Variants in NIPAL2 observed in about 807,000 individuals in gnomAD.
NIPAL2 encodes the protein NIPA like domain containing 2, also known as NIPA-like protein 2.
Under a neutral mutation model 48.9 loss-of-function variants are expected in NIPAL2, and 43 were observed. The observed-to-expected ratio is 0.88, with a 90% confidence interval of 0.69 to 1.13. NIPAL2 has a LOEUF of 1.13. Ranked by LOEUF, NIPAL2 falls within the 50% of genes most tolerant of loss-of-function variation. NIPAL2 has a pLI of 0.00. For synonymous variants in NIPAL2, 167 were observed against 174.6 expected, an observed-to-expected ratio of 0.96 and a Z score of 0.34; for missense variants, 446 against 461.4, an observed-to-expected ratio of 0.97 and a Z score of 0.31.
chr8:98,243,518 T>G (rs1301302978), intron 3 of NIPAL2, among the ~76,000 whole-genome samples: 2 of 152,200 alleles, frequency 1.3e-5, no homozygotes, highest in African/African-American at 4.8e-5. Flanking sequence ...TTCATTCACC[T>G]ACTCTCTGAA....
In NIPAL2 at chr8:98,203,173, A is replaced by C; in HGVS notation, c.815T>G (p.Leu272Arg). 1 of 1,614,124 alleles carries C rather than the reference A, an allele frequency of 6.2e-7. No individual in the cohort carries two copies. The highest frequency in any genetic ancestry group is 8.5e-7 in the Non-Finnish European group (1 of 1,179,958). Residue 272 changes from leucine (L) to arginine (R), a missense_variant, in exon 8 of 11, where the codon CTC becomes CGC. Physicochemically the swap from Leu to Arg is moderately radical, Grantham distance 102. Transcript: ENST00000430223. ...QVKFLNQATKLYNTTTVVPVN... is the reference protein window; with the variant it reads ...QVKFLNQATKRYNTTTVVPVN... The stretch of plus-strand genomic sequence containing the variant: ...TGGCACCACTGTTGTCGTATTGTAG[A>C]GTTTCGTGGCTTGATTCAGGAACCT...
At chr8:98,217,863 T>C (rs1811650847) in intron 5 of NIPAL2, among the ~76,000 whole-genome samples, 1 of 152,246 alleles carries the variant, frequency 6.6e-6, no homozygotes, top group African/African-American at 2.4e-5. Flanking sequence ...TTCAGATATA[T>C]GGGTTTCTCC....
chr8:98,245,084 A>G (rs1261139087), intron 3 of NIPAL2, among the ~76,000 whole-genome samples: 1 of 152,224 alleles, frequency 6.6e-6, no homozygotes, highest in African/African-American at 2.4e-5. Context: ...TTTACATAAT[A>G]ATGCTACAAA....
chr8:98,276,615 G>A (rs1365856706), intron 1 of NIPAL2, among the ~76,000 whole-genome samples: 1 of 152,052 alleles, frequency 6.6e-6, no homozygotes, highest in Non-Finnish European at 1.5e-5. Context: ...AGAATGTTTA[G>A]TTTTGTAAGA....
At chr8:98,235,065 C>T (rs572300902) in intron 4 of NIPAL2, among the ~76,000 whole-genome samples, 1 of 152,098 alleles carries the variant, frequency 6.6e-6, no homozygotes, top group Non-Finnish European at 1.5e-5. Context: ...AAAGAGAAAA[C>T]ATTTTCAAGA....
At chr8:98,196,898 A>C (rs949571168) in intron 8 of NIPAL2, among the ~76,000 whole-genome samples, 1 of 152,218 alleles carries the variant, frequency 6.6e-6, no homozygotes, top group Non-Finnish European at 1.5e-5. Flanking sequence ...TGAACTTCTT[A>C]CAGGAAGAAG....
chr8:98,220,958 T>G (rs1381253769), intron 5 of NIPAL2, among the ~76,000 whole-genome samples: 1 of 146,100 alleles, frequency 6.8e-6, no homozygotes, highest in Non-Finnish European at 1.5e-5. Context: ...ATCAGTTCAT[T>G]TCATTCTTTT....
chr8:98,192,340 A>G lies in NIPAL2; in HGVS notation c.*638T>C, dbSNP rs541487973. 6.6e-6 allele frequency: 1 copy of G among 152,218 alleles called. No individual in the cohort carries two copies. Among genetic ancestry groups the G allele is most frequent in the African/African-American group, 2.4e-5 (1 of 41,428 alleles). The allele number at this position is 152,218 out of a possible 1,614,324, so 9.4% of individuals were successfully genotyped here. A position where few individuals can be genotyped will look rare whatever the true frequency, so the allele number is the denominator to read the frequency against. ...ACTTCTTAAACTTCCTCTTCCTTACACGTAAAAAGCCCACCAGTCAAGGTC... is the reference window on the plus strand; with the variant it reads ...ACTTCTTAAACTTCCTCTTCCTTACGCGTAAAAAGCCCACCAGTCAAGGTC... On this transcript the variant is annotated 3_prime_UTR_variant, in exon 11 of 11. Transcript: ENST00000430223.
At chr8:98,271,884 GTT>G (rs535594385) in intron 1 of NIPAL2, among the ~76,000 whole-genome samples, 1 of 141,870 alleles carries the variant, frequency 7.0e-6, no homozygotes, top group African/African-American at 2.6e-5. Context: ...TTTGTTGAGA[GTT>G]TTTTTTTTTT....
At chr8:98,214,916 A>C (rs1260165084) in intron 5 of NIPAL2, among the ~76,000 whole-genome samples, 1 of 152,230 alleles carries the variant, frequency 6.6e-6, no homozygotes, top group Non-Finnish European at 1.5e-5. Flanking sequence ...TCCCTAAAAC[A>C]GCCATCAAAA....
chr8:98,253,493 G>A (rs1171057632), intron 2 of NIPAL2, among the ~76,000 whole-genome samples: 1 of 152,042 alleles, frequency 6.6e-6, no homozygotes, highest in Admixed American at 6.5e-5. Flanking sequence ...TTGCAGTTTA[G>A]CAAATCAGCG....
chr8:98,258,466 C>T (rs540586231), intron 1 of NIPAL2, among the ~76,000 whole-genome samples: 1 of 152,270 alleles, frequency 6.6e-6, no homozygotes, highest in African/African-American at 2.4e-5. Context: ...AACTCACCTG[C>T]TGCAGAATAG....
chr8:98,211,876 C>CTTA (rs1214590850), intron 6 of NIPAL2, among the ~76,000 whole-genome samples: 1 of 151,678 alleles, frequency 6.6e-6, no homozygotes, highest in Non-Finnish European at 1.5e-5. Flanking sequence ...ACATAGTGGG[C>CTTA]TTATCTAAGC....
At chr8:98,222,061 A>G (rs1811915459) in intron 5 of NIPAL2, among the ~76,000 whole-genome samples, 1 of 152,236 alleles carries the variant, frequency 6.6e-6, no homozygotes, top group Non-Finnish European at 1.5e-5. Context: ...TAGATTGGAT[A>G]AAGAAAATGT....
chr8:98,282,618 A>T (rs1815904991), intron 1 of NIPAL2, among the ~76,000 whole-genome samples: 1 of 152,168 alleles, frequency 6.6e-6, no homozygotes. Flanking sequence ...GGCTGCAGTG[A>T]GCTATGATTG....
intron 1 of NIPAL2, among the ~76,000 whole-genome samples, chr8:98,279,571 A>T (rs914813017): frequency 1.3e-5 from 2 of 152,186 alleles, no homozygotes; most frequent in Non-Finnish European, 2.9e-5. Context: ...AGAGAAGGAA[A>T]GTGTCTTATG....
intron 5 of NIPAL2, among the ~76,000 whole-genome samples, chr8:98,221,139 G>A (rs540834439): frequency 3.6e-4 from 55 of 151,672 alleles, no homozygotes; most frequent in African/African-American, 1.3e-3. Context: ...CCACTCCTGG[G>A]TAATTTTTGT....
intron 1 of NIPAL2, among the ~76,000 whole-genome samples, chr8:98,287,677 T>A (rs773960189): frequency 2.0e-5 from 3 of 152,238 alleles, no homozygotes; most frequent in Non-Finnish European, 4.4e-5. Flanking sequence ...TTGACATGCA[T>A]TATCTTATTT....
intron 5 of NIPAL2, among the ~76,000 whole-genome samples, chr8:98,218,636 A>T (rs1811693505): frequency 6.6e-6 from 1 of 152,216 alleles, no homozygotes; most frequent in South Asian, 2.1e-4. Flanking sequence ...ACTATGACTG[A>T]TGGCCTGAGT....
Sources: gnomAD v4.1 joint callset for allele counts (sites outside exome capture counted in the v4.1 genomes callset) on GRCh38, gnomAD v4.1.1 for gene constraint, MANE v1.5 for transcripts, NCBI Gene and HGNC (gene_info 2026-07-23, HGNC 2026-07-21) for gene names.